Variants in RIN2 observed in about 807,000 individuals in gnomAD.
The protein encoded by RIN2 is RAB5 interacting protein 2.
In RIN2, 36 loss-of-function variants were observed where a neutral mutation model predicts 78.0. The ratio of observed to expected loss-of-function variants is 0.46; its 90% CI spans 0.35 to 0.61. The LOEUF (loss-of-function observed/expected upper bound fraction) is 0.61. Among genes scored for constraint, RIN2 ranks in the 20% least tolerant of loss-of-function variants. The pLI is 0.00. For missense variants in RIN2, 1,087 were observed against 1,159.7 expected (o/e 0.94, Z 0.91); for synonymous variants, 466 against 466.8 (o/e 1.00, Z 0.02).
At chr20:19,835,976 G>A (rs562252908) in intron 2 of RIN2, among the ~76,000 whole-genome samples, 7 of 152,148 alleles carry the variant, frequency 4.6e-5, no homozygotes, top group East Asian at 3.9e-4. Flanking sequence ...TGCTAGGACC[G>A]GGACTGGCTG....
chr20:19,990,683 T>TA (rs1487253161), intron 10 of RIN2, among the ~76,000 whole-genome samples: 1 of 152,086 alleles, frequency 6.6e-6, no homozygotes, highest in Non-Finnish European at 1.5e-5. Context: ...TCTGCGTCTT[T>TA]AGCCGGATGT....
At chr20:19,861,790 G>A (rs141030207) in intron 2 of RIN2, among the ~76,000 whole-genome samples, 47 of 145,718 alleles carry the variant, frequency 3.2e-4, no homozygotes, top group African/African-American at 1.2e-3. Flanking sequence ...CATATCTGAT[G>A]ATCACCCTCC....
At chr20:19,899,957 C>G (rs1321500539) in intron 3 of RIN2, among the ~76,000 whole-genome samples, 1 of 152,148 alleles carries the variant, frequency 6.6e-6, no homozygotes, top group East Asian at 1.9e-4. Context: ...GTCACAAACT[C>G]AACAACCTGC....
intron 12 of RIN2, among the ~76,000 whole-genome samples, chr20:19,998,317 G>A (rs1019394462): frequency 6.6e-6 from 1 of 151,720 alleles, no homozygotes; most frequent in African/African-American, 2.4e-5. Context: ...AAAATAGAGG[G>A]TCAGATGAGG....
intron 1 of RIN2, among the ~76,000 whole-genome samples, chr20:19,775,735 A>G (rs558430638): frequency 6.6e-6 from 1 of 152,328 alleles, no homozygotes; most frequent in Admixed American, 6.5e-5. Context: ...AGCTCTGTCC[A>G]CTGACAGAGT....
chr20:19,921,755 G>A (rs2039932529), intron 3 of RIN2, among the ~76,000 whole-genome samples: 3 of 152,212 alleles, frequency 2.0e-5, no homozygotes, highest in African/African-American at 7.2e-5. Flanking sequence ...GAAACGCATG[G>A]TGAAGTGGGG....
chr20:19,928,391 C>A (rs1347597875), intron 3 of RIN2, among the ~76,000 whole-genome samples: 1 of 152,156 alleles, frequency 6.6e-6, no homozygotes, highest in East Asian at 1.9e-4. Flanking sequence ...GTATGCCTAC[C>A]CCTACTCCCA....
chr20:19,992,142 C>T, intron 10 of RIN2, 26 bp from the exon 11 acceptor site: 2 of 1,606,058 alleles, frequency 1.2e-6, no homozygotes, highest in Non-Finnish European at 1.7e-6. Context: ...TAAAAATATT[C>T]CATCTCCTTC....
At chr20:19,828,518 CACTT>C (rs2036160315) in intron 2 of RIN2, among the ~76,000 whole-genome samples, 3 of 152,278 alleles carry the variant, frequency 2.0e-5, no homozygotes, top group South Asian at 2.1e-4. Context: ...ATGAATCACT[CACTT>C]CCTGCGTTGA....
At chr20:19,981,832 T>C (rs2042463685) in intron 9 of RIN2, among the ~76,000 whole-genome samples, 1 of 152,176 alleles carries the variant, frequency 6.6e-6, no homozygotes, top group Admixed American at 6.5e-5. Context: ...CAACAATACT[T>C]AAAACCAACC....
At chr20:19,903,763 G>A (rs796922345) in intron 3 of RIN2, among the ~76,000 whole-genome samples, 14 of 152,316 alleles carry the variant, frequency 9.2e-5, no homozygotes, top group African/African-American at 3.1e-4. Flanking sequence ...TAAAATTTGT[G>A]TTTCTTGAGG....
Position 19,791,098 on chromosome 20 carries a change from T to G in RIN2, c.-162-8524T>G, listed in dbSNP as rs541842387. ...GCCCACAAAGAAAAACAGGACTTCA[T>G]GTGTGTTCCTGTAATGTATAGCTTA... On this transcript the variant is annotated intron_variant, in intron 1 of 12. Coordinates refer to ENST00000255006, the MANE Select transcript of RIN2 (RefSeq NM_018993.4). Among the ~76,000 whole-genome samples, 3 of 152,336 alleles carry G rather than the reference T, an allele frequency of 2.0e-5. No individual in the cohort carries two copies. In the South Asian group the frequency reaches 6.2e-4, roughly 32 times the overall value.
chr20:19,963,611 A>C (rs377682506), intron 6 of RIN2, among the ~76,000 whole-genome samples: 2 of 48,250 alleles, frequency 4.1e-5, no homozygotes, highest in African/African-American at 2.4e-4. Context: ...CTCTGTCTCC[A>C]AAAAAAAAAA....
At chr20:19,906,228 T>C (rs1054592849) in intron 3 of RIN2, among the ~76,000 whole-genome samples, 6 of 152,084 alleles carry the variant, frequency 3.9e-5, no homozygotes, top group Non-Finnish European at 7.4e-5. Flanking sequence ...AGTGGGAGGA[T>C]TGCACGAGTT....
Position 19,883,543 on chromosome 20 carries a change from A to G in RIN2, c.-36-6023A>G, listed in dbSNP as rs115097694. Among the ~76,000 whole-genome samples, 623 of 151,880 alleles carry G rather than the reference A, an allele frequency of 4.1e-3. 2 individuals carry two copies. Among genetic ancestry groups the G allele is most frequent in the African/African-American group, 0.014 (582 of 41,440 alleles). On this transcript the variant is annotated intron_variant, in intron 2 of 12. Coordinates refer to ENST00000255006, the MANE Select transcript of RIN2 (RefSeq NM_018993.4). ...TTATTTGTAGAGACAGGGTCTCCCT[A>G]TGTTGCCTGGGCTGATCTTGAACTC...
intron 3 of RIN2, among the ~76,000 whole-genome samples, chr20:19,926,078 G>A (rs1188788054): frequency 6.6e-6 from 1 of 152,168 alleles, no homozygotes; most frequent in East Asian, 1.9e-4. Context: ...AATTTGTCGA[G>A]TGAAATTAGT....
chr20:19,864,563 T>C (rs1242073455), intron 2 of RIN2, among the ~76,000 whole-genome samples: 2 of 152,208 alleles, frequency 1.3e-5, no homozygotes, highest in Admixed American at 1.3e-4. Flanking sequence ...AATACACTTC[T>C]CCTTTGTCAA....
intron 3 of RIN2, among the ~76,000 whole-genome samples, chr20:19,920,228 G>A (rs1009868422): frequency 6.6e-6 from 1 of 151,756 alleles, no homozygotes; most frequent in Admixed American, 6.6e-5. Context: ...CCCGGGAGGG[G>A]GAGCTTGCAG....
At chr20:19,998,663 ATTC>A (rs2043047531) in intron 12 of RIN2, among the ~76,000 whole-genome samples, 1 of 152,132 alleles carries the variant, frequency 6.6e-6, no homozygotes, top group South Asian at 2.1e-4. Context: ...AGATCAGCTC[ATTC>A]TTCTCCATGA....
Sources: allele counts gnomAD v4.1 joint callset (sites outside exome capture counted in the v4.1 genomes callset), GRCh38; gene constraint gnomAD v4.1.1; transcripts MANE v1.5; gene names NCBI Gene and HGNC (gene_info 2026-07-23, HGNC 2026-07-21).